Variants in NCOA1 observed in about 807,000 individuals in gnomAD.
NCOA1 encodes nuclear receptor coactivator 1.
A neutral mutation model predicts 150.9 loss-of-function variants in NCOA1; 35 were observed. The ratio of observed to expected loss-of-function variants is 0.23; its 90% CI spans 0.18 to 0.31. NCOA1 has a LOEUF of 0.31. Ranked by LOEUF, NCOA1 falls within the 10% of genes least tolerant of loss-of-function variation. The pLI is 1.00. For synonymous variants in NCOA1, 590 were observed against 630.0 expected (o/e 0.94, Z 0.95); for missense variants, 1,491 against 1,749.3 (o/e 0.85, Z 2.63).
At chr2:24,546,093 T>C (rs565395607) in intron 1 of NCOA1, among the ~76,000 whole-genome samples, 1 of 152,294 alleles carries the variant, frequency 6.6e-6, no homozygotes, top group East Asian at 1.9e-4. Flanking sequence ...CCAGCCTGTT[T>C]TTATTGGATT....
intron 1 of NCOA1, among the ~76,000 whole-genome samples, chr2:24,515,530 G>C (rs539187219): frequency 6.6e-6 from 1 of 152,196 alleles, no homozygotes; most frequent in South Asian, 2.1e-4. Flanking sequence ...GAGTCACTGT[G>C]CCCGGCCTTT....
At chr2:24,618,746 T>G (rs189455871) in intron 3 of NCOA1, among the ~76,000 whole-genome samples, 24 of 139,972 alleles carry the variant, frequency 1.7e-4, no homozygotes, top group Middle Eastern at 3.6e-3. Flanking sequence ...AGTTCATTGG[T>G]TTTTTTTTTG....
rs764911789 is a variant in NCOA1 at position 24,710,972 on chromosome 2, G to A, written c.2460G>A (p.Thr820=). The change falls in exon 14 of 23, where the codon ACG becomes ACA. Residue 820 remains threonine, a synonymous_variant. Coordinates refer to ENST00000348332, the MANE Select transcript of NCOA1 (RefSeq NM_003743.5). ...ACCAGTTTGATCAGTTACTGCCCAC[G>A]CTGGAGAAGGCAGCACAGTTGCCAG... ...DLDQFDQLLP[T]LEKAAQLPGL... The A allele has an allele frequency of 8.1e-6, 13 of 1,614,046 alleles. No individual in the cohort carries two copies. Among genetic ancestry groups the A allele is most frequent in the Non-Finnish European group, 8.5e-6 (10 of 1,179,982 alleles).
chr2:24,514,868 A>G (rs1664101167), intron 1 of NCOA1, among the ~76,000 whole-genome samples: 1 of 152,250 alleles, frequency 6.6e-6, no homozygotes, highest in African/African-American at 2.4e-5. Context: ...ATTTAATGCA[A>G]AGTAAATATT....
chr2:24,669,014 A>G (rs73923407), intron 6 of NCOA1, among the ~76,000 whole-genome samples: 25 of 152,336 alleles, frequency 1.6e-4, no homozygotes, highest in African/African-American at 6.0e-4. Flanking sequence ...AATATTGGTT[A>G]CGCAAAAAAT....
chr2:24,761,822 C>A (rs762413433), intron 21 of NCOA1, among the ~76,000 whole-genome samples: 28 of 152,206 alleles, frequency 1.8e-4, no homozygotes, highest in Non-Finnish European at 2.8e-4. Context: ...TCTAACCTTA[C>A]CACCAAGGTA....
chr2:24,679,127 C>A (rs891901140), intron 7 of NCOA1, among the ~76,000 whole-genome samples: 5 of 152,182 alleles, frequency 3.3e-5, no homozygotes, highest in Non-Finnish European at 7.4e-5. Context: ...GTGTGACACA[C>A]GGTGGTCTTC....
chr2:24,594,302 T>C (rs1254161935), intron 3 of NCOA1, among the ~76,000 whole-genome samples: 1 of 152,098 alleles, frequency 6.6e-6, no homozygotes, highest in African/African-American at 2.4e-5. Flanking sequence ...TTAAGAAAAT[T>C]AGGTATCGTT....
intron 1 of NCOA1, among the ~76,000 whole-genome samples, chr2:24,504,615 T>TA (rs1282613884): frequency 6.6e-6 from 1 of 152,230 alleles, no homozygotes; most frequent in Admixed American, 6.5e-5. Context: ...GAAAAGAACT[T>TA]ACAAGCACTG....
intron 3 of NCOA1, among the ~76,000 whole-genome samples, chr2:24,622,204 G>A (rs1261786386): frequency 2.0e-5 from 3 of 152,146 alleles, no homozygotes; most frequent in African/African-American, 2.4e-5. Flanking sequence ...CTGAGGAGAA[G>A]CATTTGTAGC....
At chr2:24,671,146 C>G (rs1439626051) in intron 6 of NCOA1, among the ~76,000 whole-genome samples, 4 of 152,128 alleles carry the variant, frequency 2.6e-5, no homozygotes, top group Non-Finnish European at 5.9e-5. Context: ...GAATAGAAAT[C>G]CACTGCAGAT....
At chr2:24,716,780 C>T (rs1328311641) in intron 14 of NCOA1, among the ~76,000 whole-genome samples, 2 of 152,160 alleles carry the variant, frequency 1.3e-5, no homozygotes, top group African/African-American at 4.8e-5. Flanking sequence ...AAACAGAAAT[C>T]ACTAGGCTAA....
chr2:24,495,471 C>G (rs1204364803), intron 1 of NCOA1, among the ~76,000 whole-genome samples: 2 of 152,106 alleles, frequency 1.3e-5, no homozygotes, highest in Non-Finnish European at 2.9e-5. Flanking sequence ...ATATTTTGTT[C>G]TTACCACTCC....
chr2:24,611,863 T>A (rs954861579), intron 3 of NCOA1, among the ~76,000 whole-genome samples: 2 of 152,198 alleles, frequency 1.3e-5, no homozygotes, highest in African/African-American at 2.4e-5. Flanking sequence ...TCTTTTTTTT[T>A]TAATCCAATT....
chr2:24,665,908 G>C lies in NCOA1; in HGVS notation c.249G>C (p.Met83Ile). 3 of 1,461,584 alleles carry C rather than the reference G, an allele frequency of 2.1e-6. No homozygotes were observed. Among genetic ancestry groups the C allele is most frequent in the Non-Finnish European group, 1.8e-6 (2 of 1,102,712 alleles). 90.5% of individuals were successfully genotyped at this position (1,461,584 alleles called of 1,614,324 possible). A position where few individuals can be genotyped will look rare whatever the true frequency, so the allele number is the denominator to read the frequency against. The part of the protein sequence containing the change: ...TVDQIQLMKR[M>I]EQEKSTTDDD... ...ATCAGATACAGCTAATGAAGAGAAT[G>C]GAACAAGGTAAAAAAGAAAAAGAAA... The change falls in exon 6 of 23, where the codon ATG (methionine) becomes ATC (isoleucine). Residue 83 changes from methionine to isoleucine, a missense_variant. By Grantham distance (10) the Met-to-Ile change is conservative. Around this residue, in one of 8 missense-constraint regions of NCOA1, gnomAD observed 80 missense variants for 163.0 expected, o/e 0.49. Transcript: ENST00000348332.
chr2:24,537,235 T>TAC (rs1241311718), intron 1 of NCOA1, among the ~76,000 whole-genome samples: 1 of 62,758 alleles, frequency 1.6e-5, no homozygotes, highest in Non-Finnish European at 4.1e-5. Flanking sequence ...GTAACTGTGA[T>TAC]ACATACACAC....
intron 14 of NCOA1, among the ~76,000 whole-genome samples, chr2:24,714,827 C>T (rs1572631528): frequency 6.6e-6 from 1 of 151,828 alleles, no homozygotes; most frequent in African/African-American, 2.4e-5. Flanking sequence ...TGTAAACCTA[C>T]AAATCCAAGA....
At chr2:24,537,498 GTCTC>G (rs536590199) in intron 1 of NCOA1, among the ~76,000 whole-genome samples, 16 of 149,512 alleles carry the variant, frequency 1.1e-4, no homozygotes, top group South Asian at 2.1e-4. Flanking sequence ...GTGTGTGTGT[GTCTC>G]TCTCTCTCTC....
chr2:24,690,373 G>A (rs1368158896), intron 8 of NCOA1, among the ~76,000 whole-genome samples: 1 of 151,942 alleles, frequency 6.6e-6, no homozygotes, highest in African/African-American at 2.4e-5. Context: ...AAGCAGCCTT[G>A]GCCAGGCGTG....
Sources: allele counts gnomAD v4.1 joint callset (sites outside exome capture counted in the v4.1 genomes callset), GRCh38; gene constraint gnomAD v4.1.1; regional missense constraint gnomAD v4.1.1; transcripts MANE v1.5; gene names NCBI Gene and HGNC (gene_info 2026-07-23, HGNC 2026-07-21).